The following MOGAT3 variants were observed in gnomAD, a reference collection of about 807,000 sequenced individuals.
The protein encoded by MOGAT3 is monoacylglycerol O-acyltransferase 3, also known as 2-acylglycerol O-acyltransferase 3.
MOGAT3 carries 39 observed loss-of-function variants against 34.4 expected under a neutral mutation model. That is an observed-to-expected ratio of 1.13 (90% CI 0.88 to 1.48). The LOEUF (loss-of-function observed/expected upper bound fraction) is 1.48. Ranked by LOEUF, MOGAT3 falls within the 40% of genes most tolerant of loss-of-function variation. The pLI, the probability that MOGAT3 is intolerant of heterozygous loss-of-function variation, is 0.00. For synonymous variants in MOGAT3, 209 were observed against 179.2 expected (o/e 1.17, Z -1.33); for missense variants, 439 against 438.9 (o/e 1.00, Z 0.00).
chr7:101,194,498 CTTTTTTTTTTTT>C (rs34849826), downstream of MOGAT3, among the ~76,000 whole-genome samples: 1 of 95,522 alleles, frequency 1.0e-5, no homozygotes, highest in Non-Finnish European at 1.9e-5. Flanking sequence ...AGGACATAAG[CTTTTTTTTTTTT>C]TTTTTTTTTT....
Position 101,195,515 on chromosome 7 carries a change from T to C in MOGAT3, c.*431A>G, listed in dbSNP as rs370149458. 2.9e-4 allele frequency: 46 copies of C among 156,216 alleles called. No homozygotes were observed. Among genetic ancestry groups the C allele is most frequent in the Admixed American group, 3.1e-4 (5 of 16,390 alleles). The allele number at this position is 156,216 out of a possible 1,614,324, so 9.7% of individuals were successfully genotyped here. On this transcript the variant is annotated 3_prime_UTR_variant, in exon 7 of 7. Coordinates refer to ENST00000223114, the MANE Select transcript of MOGAT3 (RefSeq NM_178176.4). ...TGGGCATGAGCCACCACGCCCAGCC[T>C]ACTACAGCTTTAACAGTCTTTTTTT...
intron 4 of MOGAT3, 78 bp downstream of exon 4, chr7:101,198,548 G>T (rs938247245): frequency 2.4e-6 from 3 of 1,256,682 alleles, no homozygotes; most frequent in African/African-American, 3.4e-5. Flanking sequence ...ACTTATTATG[G>T]GGGGGGGTGG....
intron 5 of MOGAT3, among the ~76,000 whole-genome samples, chr7:101,197,187 A>T (rs901936696): frequency 8.6e-5 from 13 of 151,954 alleles, no homozygotes; most frequent in African/African-American, 2.4e-4. Flanking sequence ...TAAATAATTT[A>T]AAAAATTTTA....
At chr7:101,200,675 G>T in intron 1 of MOGAT3, 71 bp downstream of exon 1, 4 of 1,412,262 alleles carry the variant, frequency 2.8e-6, no homozygotes, top group Non-Finnish European at 3.9e-6. Context: ...CAAGCCAGCA[G>T]CCCAGCCACT....
rs1306417816 is a variant in MOGAT3, at chr7:101,195,790, C to T, written c.*156G>A. ...CTGGTCTTCAACTCCTGGGCTCAAA[C>T]GATCCTCCCACCTTGGCCTCCCAAA... On this transcript the variant is annotated 3_prime_UTR_variant, in exon 7 of 7. Coordinates refer to ENST00000223114, the MANE Select transcript of MOGAT3 (RefSeq NM_178176.4). The T allele has an allele frequency of 5.6e-5, 42 of 751,788 alleles. No individual in the cohort carries two copies. The highest frequency in any genetic ancestry group is 2.8e-4 in the African/African-American group (16 of 57,312). The allele number at this position is 751,788 out of a possible 1,614,324, so 46.6% of individuals were successfully genotyped here.
At chr7:101,199,599 A>G (rs1317927752) in intron 3 of MOGAT3, among the ~76,000 whole-genome samples, 7 of 143,260 alleles carry the variant, frequency 4.9e-5, no homozygotes, top group African/African-American at 1.8e-4. Context: ...TAAAGGCTTG[A>G]GCCACCACAA....
chr7:101,200,264 C>T lies in MOGAT3; in HGVS notation c.258G>A (p.Trp86Ter). The stretch of plus-strand genomic sequence containing the variant: ...CAGGATAATAATCCCTTAGTTGTCT[C>T]CAAATTGCCCGGTTCCTTATCCACT... The part of the protein sequence containing the change: ...RSEWIRNRAI[W>*]RQLRDYYPVK... The change falls in exon 3 of 7, where the codon TGG becomes TGA. Residue 86 changes from tryptophan (W) to a stop codon, truncating the protein, a stop_gained. Coordinates refer to ENST00000223114, the MANE Select transcript of MOGAT3 (RefSeq NM_178176.4). LOFTEE classifies it high-confidence loss of function. 6.2e-7 allele frequency: 1 copy of T among 1,614,020 alleles called. No individual in the cohort carries two copies. Among genetic ancestry groups the T allele is most frequent in the Non-Finnish European group, 8.5e-7 (1 of 1,180,002 alleles).
At position 101,200,292 on chromosome 7, in the gene MOGAT3, G is replaced by T. The variant is rs775889618; in HGVS notation, c.230C>A (p.Ser77Ter). ...WDTPNQGGRRSEWIRNRAIWR... is the reference protein window; with the variant it reads ...WDTPNQGGRR Reference sequence around the variant, plus strand: ...AATTGCCCGGTTCCTTATCCACTCCGAACGCCTTCCACCTGCGGACAATGA... The same window carrying T: ...AATTGCCCGGTTCCTTATCCACTCCTAACGCCTTCCACCTGCGGACAATGA... The change falls in exon 3 of 7, where the codon TCG (serine) becomes TAG (stop). Residue 77 changes from serine (S) to a stop codon, truncating the protein, a stop_gained. Transcript: ENST00000223114. LOFTEE classifies it high-confidence loss of function. 1 of 1,613,928 alleles carries T rather than the reference G, an allele frequency of 6.2e-7. No individual in the cohort carries two copies. The highest frequency in any genetic ancestry group is 8.5e-7 in the Non-Finnish European group (1 of 1,179,962).
Position 101,200,741 on chromosome 7 carries a change from C to A in MOGAT3, c.109+5G>T. The A allele has an allele frequency of 6.2e-7, 1 of 1,612,840 alleles. No individual in the cohort carries two copies. The highest frequency in any genetic ancestry group is 8.5e-7 in the Non-Finnish European group (1 of 1,179,068). Reference sequence around the variant, plus strand: ...CCCAGGCACCCACGCCTCCCCAGCTCTCACCCATGAAGAGGAAAGTGAGCA... The same window carrying A: ...CCCAGGCACCCACGCCTCCCCAGCTATCACCCATGAAGAGGAAAGTGAGCA... On this transcript the variant is annotated splice_donor_5th_base_variant and intron_variant, in intron 1 of 6. Transcript: ENST00000223114.
At chr7:101,197,602 G>A (rs1249574857) in intron 5 of MOGAT3, among the ~76,000 whole-genome samples, 1 of 152,076 alleles carries the variant, frequency 6.6e-6, no homozygotes, top group East Asian at 1.9e-4. Flanking sequence ...CTCTTCGCAA[G>A]TAAAGAAACA....
chr7:101,195,686 C>A lies in MOGAT3; in HGVS notation c.*260G>T. The A allele has an allele frequency of 4.0e-6, 2 of 503,150 alleles. No individual in the cohort carries two copies. The highest frequency in any genetic ancestry group is 4.5e-5 in the South Asian group (2 of 44,202). The allele number at this position is 503,150 out of a possible 1,614,324, so 31.2% of individuals were successfully genotyped here. A position where few individuals can be genotyped will look rare whatever the true frequency, so the allele number is the denominator to read the frequency against. On this transcript the variant is annotated 3_prime_UTR_variant, in exon 7 of 7. Transcript: ENST00000223114. Reference sequence around the variant, plus strand: ...CCTCCCAAATAGCTGGGATTACAGGCACATGCCACCATGCCCGGCTAATTA... The same window carrying A: ...CCTCCCAAATAGCTGGGATTACAGGAACATGCCACCATGCCCGGCTAATTA...
At chr7:101,197,308 G>A (rs1316711070) in intron 5 of MOGAT3, among the ~76,000 whole-genome samples, 4 of 152,036 alleles carry the variant, frequency 2.6e-5, no homozygotes, top group East Asian at 1.9e-4. Context: ...TCAGCCTCCC[G>A]AATAGCTGAA....
chr7:101,199,504 T>C (rs541123699), intron 3 of MOGAT3, among the ~76,000 whole-genome samples: 31 of 151,970 alleles, frequency 2.0e-4, no homozygotes, highest in Admixed American at 5.9e-4. Context: ...TTAGTAGAGA[T>C]GGGGTTTCTC....
In MOGAT3 at chr7:101,195,910, T is replaced by TGGGCTCAG. The variant is rs1432735272; in HGVS notation, c.*28_*35dup. 6.2e-6 allele frequency: 10 copies of TGGGCTCAG among 1,612,488 alleles called. No individual in the cohort carries two copies. Among genetic ancestry groups the TGGGCTCAG allele is most frequent in the Middle Eastern group, 1.7e-4 (1 of 5,954 alleles). ...ACAGTGGGTGGAGGTCTCAGTGCCT[T>TGGGCTCAG]GGGCTCAGGGGCTCAGCGAAAGGCC... is the stretch of plus-strand genomic sequence containing the variant. On this transcript the variant is annotated 3_prime_UTR_variant, in exon 7 of 7. Transcript: ENST00000223114.
At chr7:101,200,681 C>A in intron 1 of MOGAT3, 65 bp downstream of exon 1, 1 of 1,445,000 alleles carries the variant, frequency 6.9e-7, no homozygotes, top group Non-Finnish European at 9.6e-7. Context: ...AGCAGCCCAG[C>A]CACTCTCCCT....
At chr7:101,196,803 A>G (rs1198048045) in intron 5 of MOGAT3, among the ~76,000 whole-genome samples, 2 of 152,188 alleles carry the variant, frequency 1.3e-5, no homozygotes, top group Non-Finnish European at 1.5e-5. Context: ...TGGGAGGCAG[A>G]GGTTGCAGTG....
chr7:101,196,205 C>T lies in MOGAT3; in HGVS notation c.853G>A (p.Val285Met). ...ATSWGLLPFAVPITTVVGRPI... is the reference protein window; with the variant it reads ...ATSWGLLPFAMPITTVVGRPI... ...CACTCACCCACAGTGGTGATGGGCA[C>T]AGCAAAGGGCAGCAGGCCCCAGGAG... Residue 285 changes from valine to methionine, a missense_variant, in exon 6 of 7, where the codon GTG becomes ATG. Transcript: ENST00000223114. 1.9e-6 allele frequency: 3 copies of T among 1,578,122 alleles called. No individual in the cohort carries two copies. Among genetic ancestry groups the T allele is most frequent in the African/African-American group, 2.7e-5 (2 of 74,308 alleles).
intron 5 of MOGAT3, among the ~76,000 whole-genome samples, chr7:101,197,763 G>T (rs538285456): frequency 6.6e-6 from 1 of 152,254 alleles, no homozygotes; most frequent in African/African-American, 2.4e-5. Context: ...AGCCCGGAGT[G>T]GTGGTGGGCG....
chr7:101,200,399 G>A lies in MOGAT3; in HGVS notation c.217+9C>T, dbSNP rs560898343. 4.3e-6 allele frequency: 7 copies of A among 1,611,448 alleles called. No individual in the cohort carries two copies. The highest frequency in any genetic ancestry group is 2.2e-5 in the East Asian group (1 of 44,778). On this transcript the variant is annotated intron_variant, in intron 2 of 6. Transcript: ENST00000223114. The stretch of plus-strand genomic sequence containing the variant: ...TCTCTGGCTACCTGGGCCCCCATCC[G>A]GAGCTCACCTTGGTTGGGTGTGTCC...
Sources: allele counts gnomAD v4.1 joint callset (sites outside exome capture counted in the v4.1 genomes callset), GRCh38; gene constraint gnomAD v4.1.1; transcripts MANE v1.5; gene names NCBI Gene and HGNC (gene_info 2026-07-23, HGNC 2026-07-21).